The following LRMDA variants were observed in gnomAD, a reference collection of about 807,000 sequenced individuals.
LRMDA encodes the protein leucine rich melanocyte differentiation associated, also known as leucine-rich melanocyte differentiation-associated protein.
A neutral mutation model predicts 29.8 loss-of-function variants in LRMDA; 18 were observed. That is an observed-to-expected ratio of 0.60 (90% confidence interval 0.42 to 0.90). The LOEUF (loss-of-function observed/expected upper bound fraction) is 0.90, where lower values mean the gene tolerates loss of function less well. Among genes scored for constraint, LRMDA ranks in the 40% least tolerant of loss-of-function variants. The pLI, the probability that LRMDA is intolerant of heterozygous loss-of-function variation, is 0.00. For missense variants in LRMDA, 273 were observed against 273.9 expected (o/e 1.00, Z 0.02); for synonymous variants, 125 against 109.4 (o/e 1.14, Z -0.89).
chr10:76,197,170 A>T (rs533200053), intron 5 of LRMDA, among the ~76,000 whole-genome samples: 170 of 152,186 alleles, frequency 1.1e-3, no homozygotes, highest in Non-Finnish European at 2.2e-3. Context: ...TCTATCTTTA[A>T]TGCTTTCATA....
intron 5 of LRMDA, among the ~76,000 whole-genome samples, chr10:76,157,629 A>G (rs2132173383): frequency 6.6e-6 from 1 of 152,046 alleles, no homozygotes; most frequent in South Asian, 2.1e-4. Flanking sequence ...AACAAAAAAA[A>G]AGACCCTAAA....
intron 2 of LRMDA, among the ~76,000 whole-genome samples, chr10:75,962,510 C>T (rs1212663472): frequency 6.6e-6 from 1 of 152,180 alleles, no homozygotes; most frequent in East Asian, 1.9e-4. Context: ...GACCAGATGA[C>T]CCTCTGGGTA....
At chr10:76,474,958 C>A (rs1022827811) in intron 6 of LRMDA, among the ~76,000 whole-genome samples, 66 of 151,718 alleles carry the variant, frequency 4.4e-4, no homozygotes, top group African/African-American at 1.4e-3. Context: ...TGGAAATAAT[C>A]TAAATGTTCA....
At position 75,901,035 on chromosome 10, in the gene LRMDA, C is replaced by T. The variant is rs1404878202; in HGVS notation, c.132-134973C>T. On this transcript the variant is annotated intron_variant, in intron 2 of 6. Coordinates refer to ENST00000611255, the MANE Select transcript of LRMDA (RefSeq NM_001305581.2). ...GAGCCAGCTTAGGTATCTCTCCCAT[C>T]CATCAACAACAGACAATTCAAGATA... Among the ~76,000 whole-genome samples, 3 of 152,172 alleles carry T rather than the reference C, an allele frequency of 2.0e-5. No homozygotes were observed. The East Asian group carries it at 5.8e-4, about 29-fold the overall frequency.
intron 2 of LRMDA, among the ~76,000 whole-genome samples, chr10:75,724,248 A>G (rs1224134276): frequency 6.6e-6 from 1 of 152,212 alleles, no homozygotes; most frequent in African/African-American, 2.4e-5. Flanking sequence ...AATTATCTTC[A>G]ACTACATTAG....
At chr10:75,448,716 G>A (rs902133068) in intron 2 of LRMDA, among the ~76,000 whole-genome samples, 1 of 152,174 alleles carries the variant, frequency 6.6e-6, no homozygotes, top group African/African-American at 2.4e-5. Flanking sequence ...AAAGACCTCT[G>A]GGGCCCTGTT....
intron 1 of LRMDA, among the ~76,000 whole-genome samples, chr10:75,432,262 C>T (rs766937863): frequency 2.0e-5 from 3 of 152,230 alleles, no homozygotes; most frequent in Non-Finnish European, 4.4e-5. Flanking sequence ...CCCAGCACAT[C>T]CCTGGAGATG....
chr10:75,769,404 C>T (rs2132233550), intron 2 of LRMDA, among the ~76,000 whole-genome samples: 1 of 152,312 alleles, frequency 6.6e-6, no homozygotes, highest in East Asian at 1.9e-4. Flanking sequence ...TCACATTTAA[C>T]AGCTGGAATG....
chr10:75,581,328 A>G (rs1003153801), intron 2 of LRMDA, among the ~76,000 whole-genome samples: 4 of 152,208 alleles, frequency 2.6e-5, no homozygotes, highest in African/African-American at 9.6e-5. Context: ...CTCATCATCA[A>G]TTGTCATTAG....
chr10:75,874,357 A>G (rs1845161559), intron 2 of LRMDA, among the ~76,000 whole-genome samples: 1 of 152,220 alleles, frequency 6.6e-6, no homozygotes, highest in Non-Finnish European at 1.5e-5. Context: ...CAACAGTGCC[A>G]TCACATTCTC....
chr10:75,639,891 G>T (rs564458525), intron 2 of LRMDA, among the ~76,000 whole-genome samples: 2 of 152,210 alleles, frequency 1.3e-5, no homozygotes, highest in African/African-American at 4.8e-5. Flanking sequence ...GTGTTGAGGA[G>T]CACGGCACTG....
At chr10:75,688,199 AG>A (rs1842105054) in intron 2 of LRMDA, among the ~76,000 whole-genome samples, 1 of 152,226 alleles carries the variant, frequency 6.6e-6, no homozygotes. Flanking sequence ...TAGTTGCCAT[AG>A]ATAGTGATTT....
At chr10:75,617,090 T>C (rs1841113144) in intron 2 of LRMDA, among the ~76,000 whole-genome samples, 1 of 152,222 alleles carries the variant, frequency 6.6e-6, no homozygotes, top group South Asian at 2.1e-4. Context: ...AAAGGCACTC[T>C]GTAGCTTTAG....
intron 5 of LRMDA, among the ~76,000 whole-genome samples, chr10:76,125,227 C>T (rs1204856663): frequency 2.0e-5 from 3 of 152,142 alleles, no homozygotes; most frequent in Non-Finnish European, 2.9e-5. Context: ...CCACTTCTTC[C>T]TGTTAACACC....
intron 2 of LRMDA, among the ~76,000 whole-genome samples, chr10:75,596,957 T>C (rs4746310): frequency 0.68 from 97,939 of 144,190 alleles, 32,758 homozygotes; most frequent in East Asian, 0.85. Context: ...CTTTCTTTCT[T>C]TTTTTTTTTT....
intron 2 of LRMDA, among the ~76,000 whole-genome samples, chr10:75,781,738 G>T (rs1478055849): frequency 1.3e-5 from 2 of 152,200 alleles, no homozygotes; most frequent in African/African-American, 4.8e-5. Flanking sequence ...GTAAGGGAAA[G>T]TTGCTTTATT....
intron 5 of LRMDA, among the ~76,000 whole-genome samples, chr10:76,232,601 G>A (rs190574562): frequency 2.0e-5 from 3 of 152,334 alleles, no homozygotes; most frequent in Admixed American, 6.5e-5. Context: ...GCCCTACCCT[G>A]GCCTTGCTCG....
rs189497834 is a variant in LRMDA at position 76,258,497 on chromosome 10, T to C, written c.517-65904T>C. Among the ~76,000 whole-genome samples the C allele has an allele frequency of 5.5e-4, 84 of 151,508 alleles. No individual in the cohort carries two copies. The East Asian group carries it at 0.018, about 32-fold the overall frequency. Reference sequence around the variant, plus strand: ...TCCTTCTTCTAGCTACTGGGAATGATATAATATATTATTGTTAACTGTAAT... The same window carrying C: ...TCCTTCTTCTAGCTACTGGGAATGACATAATATATTATTGTTAACTGTAAT... On this transcript the variant is annotated intron_variant, in intron 5 of 6. Coordinates refer to ENST00000611255, the MANE Select transcript of LRMDA (RefSeq NM_001305581.2).
intron 3 of LRMDA, among the ~76,000 whole-genome samples, chr10:76,043,040 C>T (rs1283285509): frequency 2.6e-5 from 4 of 151,848 alleles, no homozygotes; most frequent in Admixed American, 1.3e-4. Flanking sequence ...GAGTTCGAGA[C>T]GAACCCAGGA....
Sources: gnomAD v4.1 joint callset for allele counts (sites outside exome capture counted in the v4.1 genomes callset) on GRCh38, gnomAD v4.1.1 for gene constraint, MANE v1.5 for transcripts, NCBI Gene and HGNC (gene_info 2026-07-23, HGNC 2026-07-21) for gene names.